Variants in KCNIP4 observed in about 807,000 individuals in gnomAD.
KCNIP4 encodes the protein Kv channel-interacting protein 4.
In KCNIP4, 12 loss-of-function variants were observed where a neutral mutation model predicts 34.0. The ratio of observed to expected loss-of-function variants is 0.35; its 90% CI spans 0.23 to 0.57. KCNIP4 has a LOEUF of 0.57. KCNIP4 is among the 20% of genes least tolerant of loss of function. The pLI is 0.83. For missense variants in KCNIP4, 238 were observed against 311.7 expected, an observed-to-expected ratio of 0.76 and a Z score of 1.78; for synonymous variants, 124 against 102.2, an observed-to-expected ratio of 1.21 and a Z score of -1.29.
chr4:21,043,341 T>C (rs745482082), intron 1 of KCNIP4, among the ~76,000 whole-genome samples: 1 of 152,210 alleles, frequency 6.6e-6, no homozygotes. Flanking sequence ...TGTTTGTTTG[T>C]TTGTTTGAGA....
intron 1 of KCNIP4, among the ~76,000 whole-genome samples, chr4:21,176,439 G>T (rs1055340545): frequency 6.6e-6 from 1 of 152,128 alleles, no homozygotes. Flanking sequence ...TCATCAAGAA[G>T]GGTGGATGCT....
At chr4:21,932,735 T>G (rs1459957257) in intron 1 of KCNIP4, among the ~76,000 whole-genome samples, 1 of 152,058 alleles carries the variant, frequency 6.6e-6, no homozygotes, top group Non-Finnish European at 1.5e-5. Flanking sequence ...AAGTCTGGTG[T>G]GATCATCACT....
chr4:20,769,924 G>T (rs770650888), intron 3 of KCNIP4, among the ~76,000 whole-genome samples: 5 of 152,144 alleles, frequency 3.3e-5, no homozygotes, highest in Admixed American at 1.3e-4. Context: ...TAAAGGACTC[G>T]TGTGATTAGA....
At chr4:21,894,572 C>T (rs558196494) in intron 1 of KCNIP4, among the ~76,000 whole-genome samples, 29 of 152,192 alleles carry the variant, frequency 1.9e-4, no homozygotes, top group Admixed American at 5.2e-4. Flanking sequence ...ATGTCATTTT[C>T]CATTTTCAAC....
At chr4:21,335,768 C>G (rs1371752031) in intron 1 of KCNIP4, among the ~76,000 whole-genome samples, 1 of 152,200 alleles carries the variant, frequency 6.6e-6, no homozygotes, top group Non-Finnish European at 1.5e-5. Context: ...AACTGCCCTC[C>G]AAACTAGTGG....
intron 2 of KCNIP4, among the ~76,000 whole-genome samples, chr4:20,857,489 C>A (rs1721725268): frequency 1.4e-5 from 2 of 140,062 alleles, no homozygotes; most frequent in Non-Finnish European, 3.1e-5. Flanking sequence ...TTTTCACATA[C>A]ATGGAGACTG....
intron 1 of KCNIP4, among the ~76,000 whole-genome samples, chr4:20,920,683 C>T (rs931767958): frequency 7.2e-5 from 11 of 152,274 alleles, no homozygotes; most frequent in African/African-American, 2.4e-4. Context: ...CAATGATCCA[C>T]TTGCATTTTA....
At chr4:20,973,397 G>A (rs1735163958) in intron 1 of KCNIP4, among the ~76,000 whole-genome samples, 1 of 152,316 alleles carries the variant, frequency 6.6e-6, no homozygotes, top group East Asian at 1.9e-4. Context: ...GATAAAGAGA[G>A]TTAGGGCCTT....
At chr4:20,820,848 T>C (rs1717014514) in intron 3 of KCNIP4, among the ~76,000 whole-genome samples, 1 of 152,154 alleles carries the variant, frequency 6.6e-6, no homozygotes, top group Admixed American at 6.5e-5. Context: ...CCAGCATGGC[T>C]CAAACAGGTA....
intron 2 of KCNIP4, among the ~76,000 whole-genome samples, chr4:20,864,221 T>C (rs1011897263): frequency 6.1e-5 from 9 of 147,004 alleles, no homozygotes; most frequent in Admixed American, 3.4e-4. Flanking sequence ...CATGTATATA[T>C]GCATATATAT....
intron 1 of KCNIP4, among the ~76,000 whole-genome samples, chr4:21,017,486 C>A (rs946233480): frequency 3.3e-5 from 5 of 152,162 alleles, no homozygotes; most frequent in African/African-American, 1.2e-4. Context: ...ATAATGGCTT[C>A]CAATTCCATC....
intron 1 of KCNIP4, among the ~76,000 whole-genome samples, chr4:20,909,871 A>G (rs2149568146): frequency 6.6e-6 from 1 of 152,242 alleles, no homozygotes; most frequent in East Asian, 1.9e-4. Flanking sequence ...CAATTGAGCC[A>G]CTGCATTTAT....
At chr4:20,798,623 C>T (rs1366222118) in intron 3 of KCNIP4, among the ~76,000 whole-genome samples, 5 of 151,978 alleles carry the variant, frequency 3.3e-5, no homozygotes, top group African/African-American at 1.2e-4. Flanking sequence ...AAAGAAGCAG[C>T]AGAAATCCTG....
intron 1 of KCNIP4, among the ~76,000 whole-genome samples, chr4:21,535,354 A>G (rs936925314): frequency 1.3e-5 from 2 of 152,176 alleles, no homozygotes; most frequent in Admixed American, 1.3e-4. Context: ...TTTTCGACAT[A>G]TGTTTTCAAT....
intron 1 of KCNIP4, among the ~76,000 whole-genome samples, chr4:21,615,959 C>T (rs1398887994): frequency 6.6e-6 from 1 of 152,184 alleles, no homozygotes; most frequent in Admixed American, 6.5e-5. Flanking sequence ...TATCCATGCC[C>T]TTTATGGTCT....
In KCNIP4 at chr4:20,733,180, G is replaced by A. The variant is rs111319668; in HGVS notation, c.538-395C>T. On this transcript the variant is annotated intron_variant, in intron 6 of 8. Coordinates refer to ENST00000382152, the MANE Select transcript of KCNIP4 (RefSeq NM_025221.6). ...TTGAGAATCAAATATACGGCACATC[G>A]TATATTGAGAAAAAACACCATTTAG... Among the ~76,000 whole-genome samples the A allele has an allele frequency of 2.8e-3, 429 of 152,148 alleles. 3 individuals carry two copies. The highest frequency in any genetic ancestry group is 1.0e-2 in the African/African-American group (414 of 41,536).
intron 1 of KCNIP4, among the ~76,000 whole-genome samples, chr4:21,271,263 C>A (rs1189164720): frequency 6.6e-6 from 1 of 152,112 alleles, no homozygotes; most frequent in Non-Finnish European, 1.5e-5. Flanking sequence ...ATTTATTTTT[C>A]TGTAACAGTG....
At chr4:21,561,993 G>A (rs1423392399) in intron 1 of KCNIP4, among the ~76,000 whole-genome samples, 2 of 151,854 alleles carry the variant, frequency 1.3e-5, no homozygotes, top group African/African-American at 2.4e-5. Context: ...TTATAGCTTG[G>A]TCAGGGTATA....
intron 1 of KCNIP4, among the ~76,000 whole-genome samples, chr4:21,203,404 G>C (rs1030308546): frequency 1.0e-4 from 12 of 116,356 alleles, no homozygotes; most frequent in Non-Finnish European, 1.6e-5. Context: ...CCAAATCATA[G>C]TTTTTAAAAG....
Sources: allele counts gnomAD v4.1 joint callset (sites outside exome capture counted in the v4.1 genomes callset), GRCh38; gene constraint gnomAD v4.1.1; transcripts MANE v1.5; gene names NCBI Gene and HGNC (gene_info 2026-07-23, HGNC 2026-07-21).